The following PTCHD4 variants were observed in gnomAD, a reference collection of about 807,000 sequenced individuals.
PTCHD4 encodes the protein patched domain containing 4.
Under a neutral mutation model 58.1 loss-of-function variants are expected in PTCHD4, and 33 were observed. The observed-to-expected ratio is 0.57, with a 90% CI of 0.43 to 0.76. The LOEUF is 0.76. PTCHD4 is among the 30% of genes least tolerant of loss of function. The probability of loss-of-function intolerance (pLI) is 0.00; values close to 1 mark genes in which losing one functional copy is unlikely to be tolerated. For missense variants in PTCHD4, 1,058 were observed against 1,027.1 expected, an observed-to-expected ratio of 1.03 and a Z score of -0.41; for synonymous variants, 478 against 409.6, an observed-to-expected ratio of 1.17 and a Z score of -2.02.
intron 4 of PTCHD4, among the ~76,000 whole-genome samples, chr6:47,902,865 C>T (rs941351033): frequency 3.9e-5 from 6 of 152,044 alleles, no homozygotes; most frequent in Admixed American, 2.6e-4. Flanking sequence ...TAATAGTTTC[C>T]ATTTAAAGTT....
At chr6:47,980,908 A>G (rs1056186747) in intron 4 of PTCHD4, among the ~76,000 whole-genome samples, 1 of 152,022 alleles carries the variant, frequency 6.6e-6, no homozygotes, top group Non-Finnish European at 1.5e-5. Flanking sequence ...TGTAATTCTC[A>G]GAATTGAAGA....
intron 4 of PTCHD4, among the ~76,000 whole-genome samples, chr6:47,911,165 G>T (rs554990373): frequency 3.9e-5 from 6 of 152,062 alleles, no homozygotes; most frequent in Non-Finnish European, 8.8e-5. Flanking sequence ...GCTAGCTTTG[G>T]TCAAAGGGAA....
At chr6:47,892,147 C>A (rs1457275557) in intron 4 of PTCHD4, among the ~76,000 whole-genome samples, 1 of 151,952 alleles carries the variant, frequency 6.6e-6, no homozygotes, top group Non-Finnish European at 1.5e-5. Flanking sequence ...CCATGTGGAA[C>A]TAAAAATTCA....
rs780958813 is a variant in PTCHD4 at position 47,873,032 on chromosome 6, C to T, written c.*5271G>A. Among the ~76,000 whole-genome samples, 1 of 151,638 alleles carries T rather than the reference C, an allele frequency of 6.6e-6. No individual in the cohort carries two copies. Among genetic ancestry groups the T allele is most frequent in the Non-Finnish European group, 1.5e-5 (1 of 67,738 alleles). On this transcript the variant is annotated 3_prime_UTR_variant, in exon 5 of 5. Transcript: ENST00000339488. ...CTCTGGGAATGAATGATGCTTATGT[C>T]GGTGCTTACTTTAAGCTTCTTTACA...
chr6:47,925,771 A>T (rs1765591655), intron 4 of PTCHD4, among the ~76,000 whole-genome samples: 1 of 152,076 alleles, frequency 6.6e-6, no homozygotes, highest in Non-Finnish European at 1.5e-5. Flanking sequence ...CAGATGCAGT[A>T]TTCTGCTTAT....
At chr6:47,969,251 T>A (rs1298358937) in intron 4 of PTCHD4, among the ~76,000 whole-genome samples, 2 of 152,214 alleles carry the variant, frequency 1.3e-5, no homozygotes. Flanking sequence ...TATTTTCACA[T>A]ACTTGTATTT....
chr6:48,050,141 A>G (rs557934652), intron 3 of PTCHD4, among the ~76,000 whole-genome samples: 132 of 152,142 alleles, frequency 8.7e-4, no homozygotes, highest in African/African-American at 3.0e-3. Flanking sequence ...AAATAGTTTT[A>G]TAATAGAGAA....
At chr6:48,046,448 C>T (rs1001074567) in intron 3 of PTCHD4, among the ~76,000 whole-genome samples, 1 of 151,780 alleles carries the variant, frequency 6.6e-6, no homozygotes, top group Non-Finnish European at 1.5e-5. Flanking sequence ...ACCATGACTT[C>T]AGTTTAAATT....
intron 4 of PTCHD4, among the ~76,000 whole-genome samples, chr6:47,898,830 G>A (rs1335190653): frequency 1.3e-5 from 2 of 152,192 alleles, no homozygotes; most frequent in South Asian, 4.1e-4. Context: ...GAAGGGGAAA[G>A]AAGAAAAGAG....
intron 4 of PTCHD4, among the ~76,000 whole-genome samples, chr6:48,006,560 C>A (rs575871690): frequency 6.6e-6 from 1 of 152,020 alleles, no homozygotes; most frequent in Admixed American, 6.6e-5. Flanking sequence ...TTATTTCAAG[C>A]GATGAGACTT....
At chr6:47,925,940 G>A (rs1393932687) in intron 4 of PTCHD4, among the ~76,000 whole-genome samples, 2 of 152,172 alleles carry the variant, frequency 1.3e-5, no homozygotes, top group Non-Finnish European at 2.9e-5. Flanking sequence ...GTTGTGCAGA[G>A]GCTGAGGCTG....
chr6:48,095,527 C>CA lies in PTCHD4; in HGVS notation c.-970+15521dup, dbSNP rs562452465. Among the ~76,000 whole-genome samples the CA allele has an allele frequency of 3.2e-4, 49 of 151,640 alleles. No individual in the cohort carries two copies. In the South Asian group the frequency reaches 5.6e-3, roughly 17 times the overall value. On this transcript the variant is annotated intron_variant, in intron 1 of 4. Coordinates refer to ENST00000339488, the MANE Select transcript of PTCHD4 (RefSeq NM_001384253.1). Reference sequence around the variant, plus strand: ...TGAAACCCCGTCTCTACTAAAAATACAAAAAAAATTAACCGGGTGTGGCGT... The same window carrying CA: ...TGAAACCCCGTCTCTACTAAAAATACAAAAAAAAATTAACCGGGTGTGGCGT...
At chr6:48,008,563 G>A (rs940387808) in intron 4 of PTCHD4, 71 bp downstream of exon 4, 8 of 1,491,624 alleles carry the variant, frequency 5.4e-6, no homozygotes, top group South Asian at 4.1e-5. Context: ...ATTTCCACCT[G>A]AGAATTCAAG....
At chr6:48,045,624 A>G (rs1290542181) in intron 3 of PTCHD4, among the ~76,000 whole-genome samples, 1 of 151,862 alleles carries the variant, frequency 6.6e-6, no homozygotes, top group Non-Finnish European at 1.5e-5. Context: ...CAGTCCTTCC[A>G]GTGATGTATA....
At chr6:47,956,528 G>A (rs1278479496) in intron 4 of PTCHD4, among the ~76,000 whole-genome samples, 1 of 151,966 alleles carries the variant, frequency 6.6e-6, no homozygotes, top group Non-Finnish European at 1.5e-5. Flanking sequence ...CCACCTCCTG[G>A]GTTCACGCCA....
intron 4 of PTCHD4, among the ~76,000 whole-genome samples, chr6:47,972,032 A>G (rs1767532328): frequency 6.6e-6 from 1 of 152,218 alleles, no homozygotes; most frequent in Admixed American, 6.6e-5. Flanking sequence ...ATAATAGCCC[A>G]GATTTGAAAA....
At chr6:48,059,012 A>T (rs1764518919) in intron 3 of PTCHD4, among the ~76,000 whole-genome samples, 1 of 152,240 alleles carries the variant, frequency 6.6e-6, no homozygotes, top group Non-Finnish European at 1.5e-5. Flanking sequence ...TCTTCCGGAT[A>T]AGGGCAGAAG....
intron 3 of PTCHD4, among the ~76,000 whole-genome samples, chr6:48,038,444 C>T (rs1369549252): frequency 6.6e-6 from 1 of 151,772 alleles, no homozygotes; most frequent in African/African-American, 2.4e-5. Context: ...AAGTTTGAAA[C>T]CAGACTGGCA....
At chr6:48,015,680 T>C (rs1444126896) in intron 3 of PTCHD4, among the ~76,000 whole-genome samples, 1 of 151,958 alleles carries the variant, frequency 6.6e-6, no homozygotes, top group Admixed American at 6.6e-5. Context: ...GCATAGACCT[T>C]TTATCTTCTT....
Sources: gnomAD v4.1 joint callset for allele counts (sites outside exome capture counted in the v4.1 genomes callset) on GRCh38, gnomAD v4.1.1 for gene constraint, MANE v1.5 for transcripts, NCBI Gene and HGNC (gene_info 2026-07-23, HGNC 2026-07-21) for gene names.